The following IL1RAPL1 variants were observed in gnomAD, a reference collection of about 807,000 sequenced individuals.
IL1RAPL1 encodes interleukin-1 receptor accessory protein-like 1.
IL1RAPL1 carries 3 observed loss-of-function variants against 48.4 expected under a neutral mutation model. The ratio of observed to expected loss-of-function variants is 0.06; its 90% confidence interval spans 0.03 to 0.16. IL1RAPL1 has a LOEUF of 0.16. Ranked by LOEUF, IL1RAPL1 falls within the 10% of genes least tolerant of loss-of-function variation. IL1RAPL1 has a pLI of 1.00. For missense variants in IL1RAPL1, 349 were observed against 530.6 expected (o/e 0.66, Z 3.36); for synonymous variants, 185 against 187.7 (o/e 0.99, Z 0.12).
At chrX:28,750,015 C>T (rs774358866) in intron 1 of IL1RAPL1, among the ~76,000 whole-genome samples, 6 of 107,997 alleles carry the variant, frequency 5.6e-5, no homozygotes, top group Admixed American at 1.0e-4. Context: ...TGCAGTGACA[C>T]GATCTCTGCT....
At chrX:29,013,892 A>G (rs1926182780) in intron 2 of IL1RAPL1, among the ~76,000 whole-genome samples, 1 of 111,870 alleles carries the variant, frequency 8.9e-6, no homozygotes, top group Non-Finnish European at 1.9e-5. Context: ...AAAAAAAAGC[A>G]AAAGCAGATT....
intron 5 of IL1RAPL1, among the ~76,000 whole-genome samples, chrX:29,486,612 CAAAAAAAAAAAAAA>C (rs768358495): frequency 4.9e-5 from 2 of 40,915 alleles, no homozygotes; most frequent in South Asian, 6.0e-3. Context: ...AAGTGCTATA[CAAAAAAAAAAAAAA>C]AAAAAAAAAA....
intron 2 of IL1RAPL1, among the ~76,000 whole-genome samples, chrX:29,091,306 C>G (rs960696335): frequency 9.0e-6 from 1 of 111,716 alleles, no homozygotes; most frequent in African/African-American, 3.3e-5. Context: ...TTCCTGTGGA[C>G]TAGTAGTTGT....
chrX:29,562,310 G>A (rs1213516056), intron 5 of IL1RAPL1, among the ~76,000 whole-genome samples: 1 of 109,356 alleles, frequency 9.1e-6, no homozygotes, highest in East Asian at 2.9e-4. Flanking sequence ...TCTAAAGGAA[G>A]GGTTTATTTA....
chrX:29,841,396 G>C (rs1393309160), intron 6 of IL1RAPL1, among the ~76,000 whole-genome samples: 1 of 111,304 alleles, frequency 9.0e-6, no homozygotes, highest in Admixed American at 9.6e-5. Context: ...GTCTGTTTAT[G>C]TGCTAGTTTG....
intron 2 of IL1RAPL1, among the ~76,000 whole-genome samples, chrX:29,266,982 T>C (rs1175165539): frequency 1.8e-5 from 2 of 111,913 alleles, no homozygotes; most frequent in Non-Finnish European, 3.8e-5. Context: ...GGGGCCATCA[T>C]AGCACCAATC....
chrX:28,888,418 G>A (rs1167696225), intron 2 of IL1RAPL1, among the ~76,000 whole-genome samples: 1 of 111,916 alleles, frequency 8.9e-6, no homozygotes, highest in Non-Finnish European at 1.9e-5. Context: ...AAATGCTTGA[G>A]GAGTATTTGT....
At chrX:28,887,338 T>A (rs1238462412) in intron 2 of IL1RAPL1, among the ~76,000 whole-genome samples, 2 of 112,222 alleles carry the variant, frequency 1.8e-5, no homozygotes, top group African/African-American at 6.5e-5. Flanking sequence ...CGCCTTGATG[T>A]TGGACTTCCT....
chrX:29,921,763 C>T (rs184691911), intron 8 of IL1RAPL1, among the ~76,000 whole-genome samples: 55 of 111,960 alleles, frequency 4.9e-4, no homozygotes, highest in Middle Eastern at 4.6e-3. Flanking sequence ...GAAAGCATTT[C>T]ACTTTCACTG....
At chrX:29,254,564 T>C (rs1020732043) in intron 2 of IL1RAPL1, among the ~76,000 whole-genome samples, 1 of 110,836 alleles carries the variant, frequency 9.0e-6, no homozygotes, top group African/African-American at 3.3e-5. Flanking sequence ...ATTATATTCA[T>C]GGAAAAAAGA....
intron 2 of IL1RAPL1, among the ~76,000 whole-genome samples, chrX:28,915,641 G>A (rs892502379): frequency 9.0e-5 from 10 of 111,106 alleles, no homozygotes; most frequent in Non-Finnish European, 1.7e-4. Flanking sequence ...CGCGAGATTT[G>A]ATCCCAACAG....
chrX:28,972,886 G>T (rs1002471562), intron 2 of IL1RAPL1, among the ~76,000 whole-genome samples: 1 of 110,964 alleles, frequency 9.0e-6, no homozygotes, highest in South Asian at 3.8e-4. Flanking sequence ...TCACCTTCTC[G>T]TACATCTTAT....
intron 5 of IL1RAPL1, among the ~76,000 whole-genome samples, chrX:29,449,936 AAAC>A (rs1235305053): frequency 9.0e-6 from 1 of 110,740 alleles, no homozygotes; most frequent in Non-Finnish European, 1.9e-5. Flanking sequence ...CCAAAAAAAA[AAAC>A]AGTCAGGAGA....
intron 5 of IL1RAPL1, among the ~76,000 whole-genome samples, chrX:29,462,267 T>G (rs902663129): frequency 2.7e-5 from 3 of 111,565 alleles, no homozygotes; most frequent in Non-Finnish European, 5.6e-5. Context: ...AACAGCTCCA[T>G]GAAATAAAAT....
intron 3 of IL1RAPL1, among the ~76,000 whole-genome samples, chrX:29,378,364 T>C (rs1156917498): frequency 1.8e-5 from 2 of 111,478 alleles, no homozygotes; most frequent in Non-Finnish European, 3.8e-5. Context: ...GAATTTTATG[T>C]CTGTCATTTT....
At position 29,298,029 on chromosome X, in the gene IL1RAPL1, A is replaced by G. The variant is rs1028500530; in HGVS notation, c.362+14812A>G. On this transcript the variant is annotated intron_variant, in intron 3 of 10. Coordinates refer to ENST00000378993, the MANE Select transcript of IL1RAPL1 (RefSeq NM_014271.4). ...AACAATTAATTTACATTAAAACAAGACTACTATTTCTGTTACTGTAGAAGT... is the reference window on the plus strand; with the variant it reads ...AACAATTAATTTACATTAAAACAAGGCTACTATTTCTGTTACTGTAGAAGT... Among the ~76,000 whole-genome samples, 3 of 112,192 alleles carry G rather than the reference A, an allele frequency of 2.7e-5. No individual in the cohort carries two copies. In the Admixed American group the frequency reaches 2.8e-4, roughly 11 times the overall value.
intron 2 of IL1RAPL1, among the ~76,000 whole-genome samples, chrX:29,171,266 G>A (rs1332137925): frequency 8.9e-6 from 1 of 111,911 alleles, no homozygotes; most frequent in Non-Finnish European, 1.9e-5. Flanking sequence ...GGGATTACAG[G>A]CGTGAGCCAC....
chrX:29,695,764 A>G (rs751877687), intron 6 of IL1RAPL1, among the ~76,000 whole-genome samples: 5 of 111,560 alleles, frequency 4.5e-5, no homozygotes, highest in Admixed American at 1.9e-4. Flanking sequence ...GCGTTACAAC[A>G]TATGAATTCT....
chrX:28,737,053 T>C (rs1164985562), intron 1 of IL1RAPL1, among the ~76,000 whole-genome samples: 1 of 23,668 alleles, frequency 4.2e-5, no homozygotes, highest in African/African-American at 2.2e-4. Context: ...TTTCCTTTTC[T>C]TTTCTTTTCT....
Sources: allele counts gnomAD v4.1 joint callset (sites outside exome capture counted in the v4.1 genomes callset), GRCh38; gene constraint gnomAD v4.1.1; transcripts MANE v1.5; gene names NCBI Gene and HGNC (gene_info 2026-07-23, HGNC 2026-07-21).